ARRDC2: variants seen among roughly 807,000 people sequenced by gnomAD.
ARRDC2 encodes arrestin domain containing 2, also known as arrestin domain-containing protein 2.
Under a neutral mutation model 38.9 loss-of-function variants are expected in ARRDC2, and 39 were observed. The observed-to-expected ratio is 1.00, with a 90% CI of 0.78 to 1.31. The LOEUF (loss-of-function observed/expected upper bound fraction) is 1.31. Ranked by LOEUF, ARRDC2 falls within the 50% of genes most tolerant of loss-of-function variation. ARRDC2 has a pLI of 0.00. For synonymous variants in ARRDC2, 300 were observed against 261.9 expected, an observed-to-expected ratio of 1.15 and a Z score of -1.41; for missense variants, 553 against 588.4, an observed-to-expected ratio of 0.94 and a Z score of 0.62.
In ARRDC2 at chr19:18,010,597, A is replaced by T. The variant is rs374210231; in HGVS notation, c.1038A>T (p.Val346=). The change falls in exon 7 of 8, where the codon GTA becomes GTT. Residue 346 remains valine, a synonymous_variant. Coordinates refer to ENST00000222250, the MANE Select transcript of ARRDC2 (RefSeq NM_015683.2). ...PEAPPEYSEV[V]ADTEEAALGQ... is the part of the protein sequence containing the mutation. ...CTCCTCCTGAGTACTCGGAGGTGGT[A>T]GCCGACACTGAGGAGGCAGCCTTGG... 156 of 1,613,670 alleles carry T rather than the reference A, an allele frequency of 9.7e-5. No homozygotes were observed. Among genetic ancestry groups the T allele is most frequent in the Non-Finnish European group, 1.3e-4 (152 of 1,180,020 alleles).
upstream of ARRDC2, among the ~76,000 whole-genome samples, chr19:18,006,624 G>A (rs553874389): frequency 7.7e-4 from 117 of 151,672 alleles, 1 homozygote; most frequent in African/African-American, 2.6e-3. Flanking sequence ...AGAGGGAGAG[G>A]GAGACCAAGG....
intron 1 of ARRDC2, chr19:18,001,664 A>G (rs1399174509): frequency 4.1e-6 from 5 of 1,222,692 alleles, no homozygotes; most frequent in African/African-American, 1.6e-5. Context: ...CTTAGAACCT[A>G]TGCGGTCGGG....
exon 1 of ARRDC2, chr19:18,001,340 T>C: frequency 2.5e-6 from 3 of 1,194,940 alleles, no homozygotes; most frequent in Non-Finnish European, 3.1e-6. Flanking sequence ...GTGCGCAGCT[T>C]CGCGCTGGAG....
At chr19:18,008,130 C>CCCCCCCCCCCCAAAAAAAA, upstream of ARRDC2, 4 of 1,088,056 alleles carry the variant, frequency 3.7e-6, no homozygotes, top group Non-Finnish European at 4.8e-6. Flanking sequence ...CACCCCCCCC[C>CCCCCCCCCCCCAAAAAAAA]GCCCTGCCGT....
At chr19:18,001,423 G>A in exon 1 of ARRDC2, 1 of 1,231,452 alleles carries the variant, frequency 8.1e-7, no homozygotes, top group Non-Finnish European at 1.0e-6. Context: ...GGAGGCGGCG[G>A]CGCCGCTGCG....
chr19:18,005,625 C>T (rs1024552313), upstream of ARRDC2, among the ~76,000 whole-genome samples: 16 of 148,646 alleles, frequency 1.1e-4, no homozygotes, highest in Admixed American at 2.7e-4. Flanking sequence ...GGGGGGCTGA[C>T]CCCCCGACCT....
At chr19:18,005,521 GGGT>G (rs1298387798), upstream of ARRDC2, among the ~76,000 whole-genome samples, 2 of 144,874 alleles carry the variant, frequency 1.4e-5, no homozygotes, top group African/African-American at 4.9e-5. Flanking sequence ...CTCCCAGACG[GGGT>G]GGTGGCCGGG....
At chr19:18,006,612 AGAGAGG>A, upstream of ARRDC2, among the ~76,000 whole-genome samples, 1 of 151,584 alleles carries the variant, frequency 6.6e-6, no homozygotes, top group South Asian at 2.1e-4. Flanking sequence ...GACCGTGGAA[AGAGAGG>A]GAGAGGGAGA....
intron 1 of ARRDC2, 25 bp from the exon 2 acceptor site, chr19:18,008,686 C>G (rs371686330): frequency 6.2e-7 from 1 of 1,611,824 alleles, no homozygotes; most frequent in South Asian, 1.1e-5. Flanking sequence ...ACCGCTCAGT[C>G]GCCTCCTTTT....
In ARRDC2 at chr19:18,008,794, G is replaced by T. The variant is rs1190904994; in HGVS notation, c.341+17G>T. 1 of 1,612,846 alleles carries T rather than the reference G, an allele frequency of 6.2e-7. No homozygotes were observed. Among genetic ancestry groups the T allele is most frequent in the Admixed American group, 1.7e-5 (1 of 60,008 alleles). On this transcript the variant is annotated intron_variant, in intron 2 of 7. Coordinates refer to ENST00000222250, the MANE Select transcript of ARRDC2 (RefSeq NM_015683.2). ...GCTGCCCCCGTAAGTCCTCTGGGGTGCAGGGTTGCCCTAAGCCTGCAGCCC... is the reference window on the plus strand; with the variant it reads ...GCTGCCCCCGTAAGTCCTCTGGGGTTCAGGGTTGCCCTAAGCCTGCAGCCC...
At chr19:18,003,662 C>T (rs1425651288), upstream of ARRDC2, among the ~76,000 whole-genome samples, 6 of 142,086 alleles carry the variant, frequency 4.2e-5, no homozygotes, top group African/African-American at 1.3e-4. Flanking sequence ...GTTTGGGGGA[C>T]GGAGTCTCCC....
In ARRDC2 at chr19:18,008,497, C is replaced by T. The variant is rs1256936163; in HGVS notation, c.187C>T (p.Arg63Cys). ...CGCCCACGTGCACTGGACCGAGTCG[C>T]GCAGCGCGGGCTCGAGCACGGCTTA... ...GRAHVHWTESRSAGSSTAYTQ... is the reference protein window; with the variant it reads ...GRAHVHWTESCSAGSSTAYTQ... The change falls in exon 1 of 8, where the codon CGC (arginine) becomes TGC (cysteine). Residue 63 changes from arginine to cysteine, a missense_variant. Physicochemically the swap from Arg to Cys is radical, Grantham distance 180 (BLOSUM62 -3). Around this residue, in one of 3 missense-constraint regions of ARRDC2, gnomAD observed 447 missense variants for 456.6 expected, o/e 0.98. Transcript: ENST00000222250. 1.3e-6 allele frequency: 2 copies of T among 1,529,652 alleles called. No homozygotes were observed. The highest frequency in any genetic ancestry group is 1.2e-5 in the South Asian group (1 of 84,154). The allele number at this position is 1,529,652 out of a possible 1,614,324, so 94.8% of individuals were successfully genotyped here.
At chr19:18,010,513 G>A (rs1318333791) in intron 6 of ARRDC2, 59 bp from the exon 7 acceptor site, 2 of 1,589,124 alleles carry the variant, frequency 1.3e-6, no homozygotes, top group African/African-American at 1.3e-5. Flanking sequence ...CCTGGCCCCT[G>A]GTCCCTTGGA....
upstream of ARRDC2, chr19:18,008,082 TG>T: frequency 8.4e-7 from 1 of 1,187,932 alleles, no homozygotes; most frequent in Non-Finnish European, 1.1e-6. Flanking sequence ...GCGCTATTGG[TG>T]GAGTCCCTTC....
chr19:18,006,390 T>G (rs10405164), upstream of ARRDC2, among the ~76,000 whole-genome samples: 2 of 151,992 alleles, frequency 1.3e-5, no homozygotes, highest in African/African-American at 4.8e-5. Context: ...CTCGGGAGGC[T>G]GAGGCTGGTG....
chr19:18,011,332 G>A (rs1599401948), intron 7 of ARRDC2, among the ~76,000 whole-genome samples: 3 of 151,774 alleles, frequency 2.0e-5, no homozygotes, highest in Admixed American at 2.0e-4. Context: ...TGGTCTCACT[G>A]TGTTGCCCAG....
chr19:18,008,115 G>GTGGGGGCCC, upstream of ARRDC2: 5 of 810,032 alleles, frequency 6.2e-6, no homozygotes, highest in Non-Finnish European at 6.8e-6. Flanking sequence ...AAGAGACGGT[G>GTGGGGGCCC]ACCCCACCCC....
At position 18,009,839 on chromosome 19, in the gene ARRDC2, C is replaced by T; in HGVS notation, c.649C>T (p.Pro217Ser). The T allele has an allele frequency of 6.2e-7, 1 of 1,612,338 alleles. No individual in the cohort carries two copies. The highest frequency in any genetic ancestry group is 8.5e-7 in the Non-Finnish European group (1 of 1,179,862). Reference protein sequence around the residue: ...IDNGSTRPVLPRAAVVQTQTF... With the variant: ...IDNGSTRPVLSRAAVVQTQTF... ...CAACGGCTCCACACGTCCTGTGCTG[C>T]CTCGGGCAGCCGTGGTGCAGACACA... is the stretch of plus-strand genomic sequence containing the variant. The change falls in exon 5 of 8, where the codon CCT becomes TCT. Residue 217 changes from proline to serine, a missense_variant. Physicochemically the swap from Pro to Ser is moderately conservative, Grantham distance 74 (BLOSUM62 -1). This residue lies in a region of ARRDC2 where 447 missense variants were observed against 456.6 expected (regional missense o/e 0.98). Coordinates refer to ENST00000222250, the MANE Select transcript of ARRDC2 (RefSeq NM_015683.2).
In ARRDC2 at chr19:18,013,099, G is replaced by C; in HGVS notation, c.*133G>C. 1 of 944,196 alleles carries C rather than the reference G, an allele frequency of 1.1e-6. No individual in the cohort carries two copies. The highest frequency in any genetic ancestry group is 1.6e-5 in the South Asian group (1 of 63,466). The allele number at this position is 944,196 out of a possible 1,614,324, so 58.5% of individuals were successfully genotyped here. On this transcript the variant is annotated 3_prime_UTR_variant, in exon 8 of 8. Coordinates refer to ENST00000222250, the MANE Select transcript of ARRDC2 (RefSeq NM_015683.2). ...GGGGAACCAAGTCTCAGAGTGAGGC[G>C]GGGGCCTTTCGGATATCACATGGGA...
Sources: allele counts gnomAD v4.1 joint callset (sites outside exome capture counted in the v4.1 genomes callset), GRCh38; gene constraint gnomAD v4.1.1; regional missense constraint gnomAD v4.1.1; transcripts MANE v1.5; gene names NCBI Gene and HGNC (gene_info 2026-07-23, HGNC 2026-07-21).